The following LOC128092252 variants were observed in gnomAD, a reference collection of about 807,000 sequenced individuals.
chr15:50,654,988 G>A, the LOC128092252 span, among the ~76,000 whole-genome samples: 2 of 119,422 alleles, frequency 1.7e-5, no homozygotes, highest in East Asian at 5.3e-4. Context: ...GCGACAGAGT[G>A]ACACTCCGTC....
the LOC128092252 span, among the ~76,000 whole-genome samples, chr15:50,679,503 A>G: frequency 2.6e-5 from 2 of 76,148 alleles, no homozygotes; most frequent in Admixed American, 2.0e-4. Flanking sequence ...ATATATGTGT[A>G]TATATATAAT....
the LOC128092252 span, among the ~76,000 whole-genome samples, chr15:50,677,994 C>G: frequency 4.0e-5 from 6 of 151,858 alleles, no homozygotes; most frequent in African/African-American, 1.4e-4. Context: ...AATCCCAGCA[C>G]TTTGGGAGGC....
the LOC128092252 span, among the ~76,000 whole-genome samples, chr15:50,664,157 G>C: frequency 8.6e-3 from 1,302 of 151,888 alleles, 10 homozygotes; most frequent in Non-Finnish European, 0.012. Context: ...AATTAGCTGG[G>C]TGTGGTGGCG....
At chr15:50,675,555 T>C in the LOC128092252 span, among the ~76,000 whole-genome samples, 1 of 152,312 alleles carries the variant, frequency 6.6e-6, no homozygotes, top group Non-Finnish European at 1.5e-5. Flanking sequence ...AGCTGAAAGT[T>C]GTAAATATCA....
At chr15:50,682,898 A>AT in the LOC128092252 span, among the ~76,000 whole-genome samples, 7 of 144,690 alleles carry the variant, frequency 4.8e-5, no homozygotes, top group African/African-American at 1.6e-4. Context: ...CCGGTACCAA[A>AT]CTTTTTTTTT....
chr15:50,666,016 G>A, the LOC128092252 span, among the ~76,000 whole-genome samples: 1 of 151,626 alleles, frequency 6.6e-6, no homozygotes, highest in Non-Finnish European at 1.5e-5. Flanking sequence ...TTAAAAAAAA[G>A]GCTGAAAATT....
the LOC128092252 span, among the ~76,000 whole-genome samples, chr15:50,662,288 T>C: frequency 9.3e-5 from 14 of 151,144 alleles, no homozygotes; most frequent in Middle Eastern, 3.4e-3. Flanking sequence ...TGGAGGGAGC[T>C]TGTACTCCAG....
chr15:50,666,294 C>G, the LOC128092252 span, among the ~76,000 whole-genome samples: 1 of 151,266 alleles, frequency 6.6e-6, no homozygotes, highest in African/African-American at 2.4e-5. Flanking sequence ...AAAAATTAGC[C>G]AAGCATGTGA....
At chr15:50,665,153 G>T in the LOC128092252 span, among the ~76,000 whole-genome samples, 1 of 151,850 alleles carries the variant, frequency 6.6e-6, no homozygotes, top group South Asian at 2.1e-4. Flanking sequence ...CCTGCAATCC[G>T]AGTACTTTAG....
At chr15:50,671,026 T>C in the LOC128092252 span, among the ~76,000 whole-genome samples, 1 of 152,156 alleles carries the variant, frequency 6.6e-6, no homozygotes, top group Admixed American at 6.6e-5. Flanking sequence ...ATCGAGCTAA[T>C]TATCATATAC....
At chr15:50,649,634 G>C in the LOC128092252 span, among the ~76,000 whole-genome samples, 3 of 152,124 alleles carry the variant, frequency 2.0e-5, no homozygotes, top group Non-Finnish European at 4.4e-5. Flanking sequence ...AATCTATATA[G>C]TGACAAAAGG....
the LOC128092252 span, among the ~76,000 whole-genome samples, chr15:50,684,912 T>C: frequency 2.2e-4 from 34 of 152,152 alleles, no homozygotes; most frequent in Non-Finnish European, 1.9e-4. Flanking sequence ...ATCAGGGAAA[T>C]ATGCTGAATA....
chr15:50,650,192 CAAA>C, the LOC128092252 span, among the ~76,000 whole-genome samples: 299 of 62,202 alleles, frequency 4.8e-3, 1 homozygote, highest in African/African-American at 0.012. Context: ...GACTTTGTCT[CAAA>C]AAAAAAAAAA....
At chr15:50,672,460 G>A in the LOC128092252 span, among the ~76,000 whole-genome samples, 1 of 151,840 alleles carries the variant, frequency 6.6e-6, no homozygotes, top group African/African-American at 2.4e-5. Context: ...CTCCATTCAT[G>A]TTATTGTCCC....
At chr15:50,658,824 T>G in the LOC128092252 span, among the ~76,000 whole-genome samples, 2 of 152,130 alleles carry the variant, frequency 1.3e-5, no homozygotes, top group Non-Finnish European at 2.9e-5. Flanking sequence ...CAAAAGAAAG[T>G]GAAAATAGCT....
At chr15:50,683,216 T>A in the LOC128092252 span, among the ~76,000 whole-genome samples, 2 of 136,764 alleles carry the variant, frequency 1.5e-5, no homozygotes, top group Admixed American at 8.1e-5. Flanking sequence ...GCATTTGACA[T>A]TTAACAGGCA....
At chr15:50,679,538 A>ATATATATATATATT in the LOC128092252 span, among the ~76,000 whole-genome samples, 1 of 43,904 alleles carries the variant, frequency 2.3e-5, no homozygotes, top group African/African-American at 1.1e-4. Context: ...ATATATATAT[A>ATATATATATATATT]TTTTTTTTTT....
the LOC128092252 span, among the ~76,000 whole-genome samples, chr15:50,683,227 G>C: frequency 9.2e-6 from 1 of 108,250 alleles, no homozygotes; most frequent in Admixed American, 1.1e-4. Flanking sequence ...TTAACAGGCA[G>C]TCACTTAAAA....
At chr15:50,653,551 T>C in the LOC128092252 span, among the ~76,000 whole-genome samples, 1 of 152,264 alleles carries the variant, frequency 6.6e-6, no homozygotes, top group Admixed American at 6.5e-5. Context: ...CACGAAGCTG[T>C]GATCCTTGAA....
Sources: gnomAD v4.1 joint callset for allele counts (sites outside exome capture counted in the v4.1 genomes callset) on GRCh38, gnomAD v4.1.1 for gene constraint, MANE v1.5 for transcripts.